MECOM: variants seen among roughly 807,000 people sequenced by gnomAD.
MECOM encodes histone-lysine N-methyltransferase MECOM.
MECOM carries 13 observed loss-of-function variants against 116.3 expected under a neutral mutation model. The observed-to-expected ratio is 0.11, with a 90% CI of 0.07 to 0.18. MECOM has a LOEUF of 0.18. MECOM is among the 10% of genes least tolerant of loss of function. The probability of loss-of-function intolerance (pLI) is 1.00; values close to 1 mark genes in which losing one functional copy is unlikely to be tolerated. For synonymous variants in MECOM, 528 were observed against 535.2 expected (o/e 0.99, Z 0.19); for missense variants, 1,299 against 1,509.0 (o/e 0.86, Z 2.31).
intron 2 of MECOM, among the ~76,000 whole-genome samples, chr3:169,233,937 C>A (rs1046422901): frequency 1.2e-4 from 18 of 151,994 alleles, no homozygotes; most frequent in African/African-American, 4.4e-4. Flanking sequence ...AAATGAATTA[C>A]CTTTCCATAA....
At chr3:169,263,855 T>C (rs1757934028) in intron 2 of MECOM, among the ~76,000 whole-genome samples, 1 of 152,156 alleles carries the variant, frequency 6.6e-6, no homozygotes, top group East Asian at 1.9e-4. Context: ...AAATTACTTC[T>C]GGTTTATTTT....
At chr3:169,147,474 T>C in intron 2 of MECOM, 4 of 985,418 alleles carry the variant, frequency 4.1e-6, no homozygotes, top group Non-Finnish European at 4.8e-6. Context: ...AGTGATCTGA[T>C]CGGAAGCCAG....
At chr3:169,331,209 TCAAA>T (rs1722652155) in intron 2 of MECOM, among the ~76,000 whole-genome samples, 1 of 151,840 alleles carries the variant, frequency 6.6e-6, no homozygotes, top group Non-Finnish European at 1.5e-5. Flanking sequence ...CTTACAAAAG[TCAAA>T]CAAATTGTCA....
chr3:169,362,700 C>T (rs1728502356), intron 2 of MECOM, among the ~76,000 whole-genome samples: 1 of 151,952 alleles, frequency 6.6e-6, no homozygotes, highest in African/African-American at 2.4e-5. Context: ...CATGGACAGT[C>T]TCACAAAGAG....
intron 2 of MECOM, among the ~76,000 whole-genome samples, chr3:169,322,997 T>TAAAAAAAA (rs748984561): frequency 1.8e-4 from 10 of 56,048 alleles, no homozygotes; most frequent in African/African-American, 6.3e-4. Flanking sequence ...AAGACTCCGG[T>TAAAAAAAA]AAAAAAAAAA....
intron 12 of MECOM, among the ~76,000 whole-genome samples, chr3:169,100,587 T>TA (rs928207225): frequency 7.2e-5 from 11 of 152,064 alleles, no homozygotes; most frequent in African/African-American, 2.4e-4. Context: ...CAAATGATAA[T>TA]AAAAAATAAT....
At chr3:169,309,525 G>A (rs1407153384) in intron 2 of MECOM, among the ~76,000 whole-genome samples, 3 of 152,170 alleles carry the variant, frequency 2.0e-5, no homozygotes, top group Non-Finnish European at 4.4e-5. Context: ...GCTGTGGGAT[G>A]TAACCTTAAA....
chr3:169,476,142 C>T (rs935561656), intron 1 of MECOM, among the ~76,000 whole-genome samples: 1 of 152,168 alleles, frequency 6.6e-6, no homozygotes, highest in Non-Finnish European at 1.5e-5. Context: ...AGTATTAACT[C>T]TGCCAGCCTT....
At chr3:169,111,009 T>C (rs1323389579) in intron 9 of MECOM, among the ~76,000 whole-genome samples, 3 of 152,214 alleles carry the variant, frequency 2.0e-5, no homozygotes, top group Non-Finnish European at 1.5e-5. Context: ...TTTTAAAATA[T>C]ATACCTACTA....
At chr3:169,171,369 A>G (rs1744375876) in intron 2 of MECOM, among the ~76,000 whole-genome samples, 1 of 152,164 alleles carries the variant, frequency 6.6e-6, no homozygotes, top group Non-Finnish European at 1.5e-5. Flanking sequence ...ATTAACCTTT[A>G]TTCTTGTTAA....
intron 2 of MECOM, among the ~76,000 whole-genome samples, chr3:169,171,639 T>C (rs1004617835): frequency 3.2e-4 from 49 of 152,086 alleles, no homozygotes; most frequent in African/African-American, 1.1e-3. Context: ...AATAAATCAT[T>C]TGATAATCAT....
chr3:169,202,580 G>A (rs1749305693), intron 2 of MECOM, among the ~76,000 whole-genome samples: 2 of 151,982 alleles, frequency 1.3e-5, no homozygotes, highest in African/African-American at 4.8e-5. Context: ...ATCCAATGTA[G>A]TGACATAATA....
chr3:169,569,143 G>A (rs146687229), intron 1 of MECOM, among the ~76,000 whole-genome samples: 1,585 of 151,316 alleles, frequency 0.01, 38 homozygotes, highest in African/African-American at 0.037. Flanking sequence ...AGGGATGGAG[G>A]AATATTTACC....
At chr3:169,245,516 T>C (rs370093289) in intron 2 of MECOM, among the ~76,000 whole-genome samples, 1 of 152,218 alleles carries the variant, frequency 6.6e-6, no homozygotes, top group South Asian at 2.1e-4. Flanking sequence ...AGAAAATTAA[T>C]TAGTTTTAAA....
At chr3:169,530,494 G>A (rs1758484223) in intron 1 of MECOM, among the ~76,000 whole-genome samples, 1 of 152,104 alleles carries the variant, frequency 6.6e-6, no homozygotes, top group South Asian at 2.1e-4. Context: ...AGGAATTATG[G>A]AGTCTCCCAG....
chr3:169,401,581 G>A (rs1394686087), intron 1 of MECOM, among the ~76,000 whole-genome samples: 2 of 152,168 alleles, frequency 1.3e-5, no homozygotes, highest in East Asian at 1.9e-4. Flanking sequence ...TCAGTGGAGA[G>A]AGGGAATTAA....
intron 2 of MECOM, among the ~76,000 whole-genome samples, chr3:169,206,180 G>A (rs1559991312): frequency 6.6e-6 from 1 of 152,170 alleles, no homozygotes; most frequent in Non-Finnish European, 1.5e-5. Context: ...TGGGATGAAA[G>A]TAAGGTCAAA....
intron 14 of MECOM, among the ~76,000 whole-genome samples, chr3:169,091,259 A>G (rs752647565): frequency 1.8e-4 from 28 of 152,248 alleles, no homozygotes; most frequent in Middle Eastern, 3.4e-3. Context: ...AAGCCAACAT[A>G]ATTAAGAAAA....
At chr3:169,622,105 T>C (rs1232463294) in intron 1 of MECOM, among the ~76,000 whole-genome samples, 1 of 152,208 alleles carries the variant, frequency 6.6e-6, no homozygotes, top group Admixed American at 6.5e-5. Context: ...TGTTTGTTTT[T>C]TGAGAAGAAG....
Sources: gnomAD v4.1 joint callset for allele counts (sites outside exome capture counted in the v4.1 genomes callset) on GRCh38, gnomAD v4.1.1 for gene constraint, MANE v1.5 for transcripts, NCBI Gene and HGNC (gene_info 2026-07-23, HGNC 2026-07-21) for gene names.